Variants in LDLRAD3 observed in about 807,000 individuals in gnomAD.
LDLRAD3 encodes low-density lipoprotein receptor class A domain-containing protein 3.
LDLRAD3 carries 20 observed loss-of-function variants against 29.4 expected under a neutral mutation model. The ratio of observed to expected loss-of-function variants is 0.68; its 90% CI spans 0.48 to 0.99. The LOEUF is 0.99. LDLRAD3 is among the 50% of genes least tolerant of loss of function. The probability of loss-of-function intolerance (pLI) is 0.00; values close to 1 mark genes in which losing one functional copy is unlikely to be tolerated. For missense variants in LDLRAD3, 420 were observed against 454.3 expected (o/e 0.92, Z 0.69); for synonymous variants, 157 against 192.7 (o/e 0.81, Z 1.53).
intron 1 of LDLRAD3, among the ~76,000 whole-genome samples, chr11:35,978,212 T>C (rs1417065847): frequency 6.6e-6 from 1 of 152,186 alleles, no homozygotes; most frequent in Non-Finnish European, 1.5e-5. Context: ...TTCACATTTT[T>C]AGGAGGAAGG....
intron 1 of LDLRAD3, among the ~76,000 whole-genome samples, chr11:35,948,267 C>G (rs372125345): frequency 6.6e-6 from 1 of 152,142 alleles, no homozygotes; most frequent in Non-Finnish European, 1.5e-5. Context: ...TATGGGATTG[C>G]CCCAGGGATG....
At chr11:36,175,024 A>G (rs1565279769) in intron 4 of LDLRAD3, among the ~76,000 whole-genome samples, 1 of 150,446 alleles carries the variant, frequency 6.6e-6, no homozygotes, top group East Asian at 1.9e-4. Context: ...CGATCATTAA[A>G]AAGTCAGGAA....
chr11:36,215,342 AG>A (rs1040394280), intron 4 of LDLRAD3, among the ~76,000 whole-genome samples: 1 of 152,220 alleles, frequency 6.6e-6, no homozygotes, highest in Admixed American at 6.5e-5. Context: ...TTTTGAGCTG[AG>A]GAGTGACATG....
intron 4 of LDLRAD3, among the ~76,000 whole-genome samples, chr11:36,144,316 A>G (rs1479207838): frequency 6.7e-6 from 1 of 149,890 alleles, no homozygotes; most frequent in African/African-American, 2.4e-5. Context: ...TGGCCCCCCA[A>G]AGTGCCGAGA....
intron 2 of LDLRAD3, among the ~76,000 whole-genome samples, chr11:36,075,915 T>C (rs1334483083): frequency 2.0e-5 from 3 of 152,234 alleles, no homozygotes; most frequent in Non-Finnish European, 4.4e-5. Flanking sequence ...TCTGTGTCCT[T>C]TTGACATGCC....
intron 1 of LDLRAD3, among the ~76,000 whole-genome samples, chr11:35,977,744 C>T (rs561014316): frequency 4.7e-4 from 72 of 152,228 alleles, no homozygotes; most frequent in African/African-American, 1.5e-3. Flanking sequence ...CAGCAGATTC[C>T]GTGTCTGGTG....
chr11:35,986,436 A>G (rs1851615797), intron 1 of LDLRAD3, among the ~76,000 whole-genome samples: 1 of 152,238 alleles, frequency 6.6e-6, no homozygotes, highest in Non-Finnish European at 1.5e-5. Context: ...CCTGTTATTT[A>G]TTGTGATATG....
intron 4 of LDLRAD3, among the ~76,000 whole-genome samples, chr11:36,160,636 G>T (rs1854425247): frequency 6.6e-6 from 1 of 151,918 alleles, no homozygotes; most frequent in Admixed American, 6.6e-5. Context: ...ATAAAATAAT[G>T]CTGTCTGGTT....
In LDLRAD3 at chr11:36,094,537, C is replaced by T. The variant is rs191923916; in HGVS notation, c.320-3790C>T. On this transcript the variant is annotated intron_variant, in intron 3 of 5. Coordinates refer to ENST00000315571, the MANE Select transcript of LDLRAD3 (RefSeq NM_174902.4). ...TTATAAGTAAACATTTGAGCCTTTT[C>T]TTTTCTTTTCTTTTTTGAGACGGGG... 3.4e-3 allele frequency among the ~76,000 whole-genome samples: 516 copies of T among 152,214 alleles called. 2 individuals carry two copies. The highest frequency in any genetic ancestry group is 0.012 in the African/African-American group (500 of 41,518).
At chr11:36,162,488 C>T (rs1222563259) in intron 4 of LDLRAD3, among the ~76,000 whole-genome samples, 1 of 152,178 alleles carries the variant, frequency 6.6e-6, no homozygotes, top group Non-Finnish European at 1.5e-5. Flanking sequence ...AGCTAGAACC[C>T]AGACAGAATG....
In LDLRAD3 at chr11:36,204,783, C is replaced by T. The variant is rs565329668; in HGVS notation, c.455-22302C>T. On this transcript the variant is annotated intron_variant, in intron 4 of 5. Coordinates refer to ENST00000315571, the MANE Select transcript of LDLRAD3 (RefSeq NM_174902.4). ...GGATTACAGGCGTGAGCCACAGTGCCGGCCTGGAGTTTCTTCTTTAATGGT... is the reference window on the plus strand; with the variant it reads ...GGATTACAGGCGTGAGCCACAGTGCTGGCCTGGAGTTTCTTCTTTAATGGT... Among the ~76,000 whole-genome samples, 23 of 152,296 alleles carry T rather than the reference C, an allele frequency of 1.5e-4. No homozygotes were observed. In the South Asian group the frequency reaches 4.1e-3, roughly 27 times the overall value.
At chr11:36,200,170 A>T (rs180795771) in intron 4 of LDLRAD3, among the ~76,000 whole-genome samples, 44 of 152,304 alleles carry the variant, frequency 2.9e-4, no homozygotes, top group Admixed American at 9.2e-4. Flanking sequence ...CATCTAAAAA[A>T]AATAATAAAT....
intron 5 of LDLRAD3, among the ~76,000 whole-genome samples, chr11:36,227,719 A>G (rs1379240912): frequency 6.6e-6 from 1 of 152,154 alleles, no homozygotes; most frequent in Non-Finnish European, 1.5e-5. Flanking sequence ...AGATGAGGAA[A>G]CTGAGGCTCT....
At chr11:36,132,934 C>G (rs1266486084) in intron 4 of LDLRAD3, among the ~76,000 whole-genome samples, 1 of 152,246 alleles carries the variant, frequency 6.6e-6, no homozygotes. Flanking sequence ...CTCTCCCCAG[C>G]CTCAGTTCCC....
chr11:36,102,197 C>T (rs1327593511), intron 4 of LDLRAD3, among the ~76,000 whole-genome samples: 2 of 152,054 alleles, frequency 1.3e-5, no homozygotes, highest in Non-Finnish European at 2.9e-5. Flanking sequence ...CGACCCACTG[C>T]CATCTTAACA....
At position 36,064,147 on chromosome 11, in the gene LDLRAD3, A is replaced by G. The variant is rs535187778; in HGVS notation, c.194-17506A>G. The stretch of plus-strand genomic sequence containing the variant: ...ACTTCTTTTGTTAAAATTATTCCTA[A>G]GTATTTTATTATTTTTGATACTATT... On this transcript the variant is annotated intron_variant, in intron 2 of 5. Transcript: ENST00000315571. Among the ~76,000 whole-genome samples the G allele has an allele frequency of 3.3e-5, 5 of 152,290 alleles. No homozygotes were observed. In the South Asian group the frequency reaches 1.0e-3, roughly 32 times the overall value.
rs186775601 is a variant in LDLRAD3, at chr11:36,017,062, G to T, written c.47-19041G>T. ...CCATCCCTAAAGAACTGAGGGTTCT[G>T]GGAATTTAACCATGTCAATGTGTTT... On this transcript the variant is annotated intron_variant, in intron 1 of 5. Transcript: ENST00000315571. Among the ~76,000 whole-genome samples the T allele has an allele frequency of 2.5e-3, 384 of 152,336 alleles. 1 individual carries two copies. The highest frequency in any genetic ancestry group is 4.7e-3 in the Non-Finnish European group (320 of 68,024).
intron 4 of LDLRAD3, among the ~76,000 whole-genome samples, chr11:36,145,670 C>A (rs893747190): frequency 5.9e-5 from 9 of 151,640 alleles, no homozygotes; most frequent in African/African-American, 1.7e-4. Context: ...AAGAAAAATT[C>A]TTCTGCCTTG....
rs925619369 is a variant in LDLRAD3 at position 36,230,583 on chromosome 11, C to T, written c.*1186C>T. The T allele has an allele frequency of 6.6e-6, 1 of 152,646 alleles. No individual in the cohort carries two copies. The highest frequency in any genetic ancestry group is 2.4e-5 in the African/African-American group (1 of 41,442). 9.5% of individuals were successfully genotyped at this position (152,646 alleles called of 1,614,324 possible). ...TCTCCCAACATCCCAGTAGTTTCTC[C>T]TCTGAGACACATGGGCAAGAGACAA... On this transcript the variant is annotated 3_prime_UTR_variant, in exon 6 of 6. Transcript: ENST00000315571.
Sources: allele counts gnomAD v4.1 joint callset (sites outside exome capture counted in the v4.1 genomes callset), GRCh38; gene constraint gnomAD v4.1.1; transcripts MANE v1.5; gene names NCBI Gene and HGNC (gene_info 2026-07-23, HGNC 2026-07-21).